HTR4: variants seen among roughly 807,000 people sequenced by gnomAD.
The protein encoded by HTR4 is 5-hydroxytryptamine receptor 4.
HTR4 carries 16 observed loss-of-function variants against 36.8 expected under a neutral mutation model. That is an observed-to-expected ratio of 0.43 (90% CI 0.29 to 0.66). The LOEUF is 0.66. Ranked by LOEUF, HTR4 falls within the 30% of genes least tolerant of loss-of-function variation. The pLI is 0.13. For synonymous variants in HTR4, 189 were observed against 185.1 expected (o/e 1.02, Z -0.17); for missense variants, 438 against 490.9 (o/e 0.89, Z 1.02).
At position 148,487,705 on chromosome 5, in the gene HTR4, G is replaced by A. The variant is rs192659577; in HGVS notation, c.1077-4412C>T. Among the ~76,000 whole-genome samples, 233 of 152,198 alleles carry A rather than the reference G, an allele frequency of 1.5e-3. 1 individual carries two copies. The highest frequency in any genetic ancestry group is 5.2e-3 in the African/African-American group (214 of 41,512). ...CGAGCTTAGAGATAGAGACAGTAGA[G>A]AGAGCGAGCTTAGAGATAGAGACAG... On this transcript the variant is annotated intron_variant, in intron 6 of 6. Transcript: ENST00000377888.
intron 4 of HTR4, among the ~76,000 whole-genome samples, chr5:148,541,698 T>C (rs573901811): frequency 6.6e-6 from 1 of 152,318 alleles, no homozygotes; most frequent in South Asian, 2.1e-4. Flanking sequence ...AGATCACTCA[T>C]GGGTAGGAGT....
At position 148,583,651 on chromosome 5, in the gene HTR4, T is replaced by TC. The variant is rs1229631976; in HGVS notation, c.27-33390_27-33389insG. On this transcript the variant is annotated intron_variant, in intron 2 of 6. Coordinates refer to ENST00000377888, the MANE Select transcript of HTR4 (RefSeq NM_000870.7). ...TCATCATCATCATCATCATCATCAT[T>TC]ATTATCATCATTTTATATTAAAAAG... Among the ~76,000 whole-genome samples the TC allele has an allele frequency of 1.7e-4, 22 of 127,968 alleles. No individual in the cohort carries two copies. In the South Asian group the frequency reaches 2.7e-3, roughly 15 times the overall value. The allele number at this position is 127,968 out of a possible 152,430, so 84.0% of individuals were successfully genotyped here.
At chr5:148,647,468 G>A (rs1421650490) in intron 1 of HTR4, among the ~76,000 whole-genome samples, 4 of 152,178 alleles carry the variant, frequency 2.6e-5, no homozygotes, top group Non-Finnish European at 4.4e-5. Context: ...GATGACCTGG[G>A]CACTGGACAT....
chr5:148,580,128 T>C (rs1052310070), intron 2 of HTR4, among the ~76,000 whole-genome samples: 3 of 151,962 alleles, frequency 2.0e-5, no homozygotes, highest in African/African-American at 4.8e-5. Flanking sequence ...AGCTATAAAA[T>C]GGGAACAATG....
At chr5:148,613,722 G>A (rs1752540145) in intron 2 of HTR4, among the ~76,000 whole-genome samples, 2 of 148,376 alleles carry the variant, frequency 1.3e-5, no homozygotes, top group African/African-American at 4.9e-5. Flanking sequence ...ATTCAATTAG[G>A]AAAAGAGGAA....
downstream of HTR4, among the ~76,000 whole-genome samples, chr5:148,478,681 C>T (rs933836386): frequency 3.3e-5 from 5 of 152,014 alleles, no homozygotes; most frequent in African/African-American, 1.2e-4. Context: ...ATGGGAGATC[C>T]AGACCTACCT....
downstream of HTR4, among the ~76,000 whole-genome samples, chr5:148,473,009 G>C (rs1447295895): frequency 6.6e-6 from 1 of 152,126 alleles, no homozygotes; most frequent in African/African-American, 2.4e-5. Flanking sequence ...AGGGAAAAAA[G>C]GTAGAAGAGG....
intron 5 of HTR4, among the ~76,000 whole-genome samples, chr5:148,451,714 T>C (rs536040164): frequency 1.3e-5 from 2 of 152,326 alleles, no homozygotes; most frequent in African/African-American, 4.8e-5. Context: ...TGAAATACAA[T>C]GTAACTGTAT....
At chr5:148,454,616 C>T (rs933956833) in intron 5 of HTR4, among the ~76,000 whole-genome samples, 1 of 152,202 alleles carries the variant, frequency 6.6e-6, no homozygotes, top group African/African-American at 2.4e-5. Flanking sequence ...CCTTTCCCTT[C>T]TCCCTTATCA....
At chr5:148,487,693 A>G (rs1224331817) in intron 6 of HTR4, among the ~76,000 whole-genome samples, 1 of 150,186 alleles carries the variant, frequency 6.7e-6, no homozygotes, top group Admixed American at 6.6e-5. Context: ...GCTTAGAGAT[A>G]GAGACAGTAG....
At chr5:148,454,586 T>C (rs1373682476) in intron 5 of HTR4, among the ~76,000 whole-genome samples, 1 of 152,200 alleles carries the variant, frequency 6.6e-6, no homozygotes, top group Non-Finnish European at 1.5e-5. Context: ...CCTCAAGATA[T>C]AGAAGCCTCC....
downstream of HTR4, chr5:148,476,693 A>AG (rs1445329318): frequency 3.2e-6 from 5 of 1,584,076 alleles, no homozygotes; most frequent in South Asian, 4.5e-5. Flanking sequence ...TTGGGCACTA[A>AG]GAAAAAAAAA....
intron 5 of HTR4, among the ~76,000 whole-genome samples, chr5:148,467,206 T>C (rs374226563): frequency 1.6e-3 from 247 of 152,338 alleles, no homozygotes; most frequent in African/African-American, 5.7e-3. Flanking sequence ...TGAATGTTCC[T>C]GCGTGGAGCT....
intron 6 of HTR4, among the ~76,000 whole-genome samples, chr5:148,499,750 T>C (rs761591943): frequency 3.3e-5 from 5 of 152,052 alleles, no homozygotes; most frequent in Non-Finnish European, 7.4e-5. Flanking sequence ...TAGTGTGAGG[T>C]GTCTGGGTTA....
chr5:148,517,427 T>C (rs1757808978), intron 5 of HTR4, among the ~76,000 whole-genome samples: 2 of 152,126 alleles, frequency 1.3e-5, no homozygotes, highest in African/African-American at 4.8e-5. Flanking sequence ...GATATCAAGC[T>C]CCTTACTGGA....
intron 6 of HTR4, among the ~76,000 whole-genome samples, chr5:148,497,622 G>A (rs1756746563): frequency 6.6e-6 from 1 of 152,114 alleles, no homozygotes; most frequent in Non-Finnish European, 1.5e-5. Flanking sequence ...TGTGCACTAT[G>A]GGTTTCCTAG....
At chr5:148,599,115 A>T (rs1761892043) in intron 2 of HTR4, among the ~76,000 whole-genome samples, 1 of 152,178 alleles carries the variant, frequency 6.6e-6, no homozygotes, top group Non-Finnish European at 1.5e-5. Flanking sequence ...AAAAGAATGG[A>T]ATACAACAAA....
chr5:148,624,669 C>G (rs74809414), intron 2 of HTR4, among the ~76,000 whole-genome samples: 1 of 152,190 alleles, frequency 6.6e-6, no homozygotes, highest in South Asian at 2.1e-4. Flanking sequence ...TCTCCCGTCT[C>G]TTCTCCAAAT....
intron 2 of HTR4, among the ~76,000 whole-genome samples, chr5:148,576,101 A>C (rs1252750846): frequency 5.6e-5 from 7 of 125,914 alleles, no homozygotes; most frequent in African/African-American, 2.1e-4. Context: ...ACAGAGCGAG[A>C]CTCCGTCTCA....
Sources: allele counts gnomAD v4.1 joint callset (sites outside exome capture counted in the v4.1 genomes callset), GRCh38; gene constraint gnomAD v4.1.1; transcripts MANE v1.5; gene names NCBI Gene and HGNC (gene_info 2026-07-23, HGNC 2026-07-21).